The following PLPPR3 variants were observed in gnomAD, a reference collection of about 807,000 sequenced individuals.
PLPPR3 encodes the protein phospholipid phosphatase related 3, also known as phospholipid phosphatase-related protein type 3.
PLPPR3 carries 14 observed loss-of-function variants against 27.3 expected under a neutral mutation model. The observed-to-expected ratio is 0.51, with a 90% CI of 0.34 to 0.80. The LOEUF (loss-of-function observed/expected upper bound fraction) is 0.80. Ranked by LOEUF, PLPPR3 falls within the 30% of genes least tolerant of loss-of-function variation. The pLI is 0.01. For missense variants in PLPPR3, 1,287 were observed against 1,056.9 expected (o/e 1.22, Z -3.02); for synonymous variants, 671 against 508.0 (o/e 1.32, Z -4.32).
intron 2 of PLPPR3, 115 bp from the exon 3 acceptor site, chr19:815,966 C>T: frequency 1.0e-6 from 1 of 984,064 alleles, no homozygotes; most frequent in Non-Finnish European, 1.5e-6. Context: ...CAGATCCAAC[C>T]CGCTCCCAGC....
chr19:812,671 G>A lies in PLPPR3; in HGVS notation c.2056C>T (p.Leu686=), dbSNP rs1443522912. Residue 686 remains leucine, a synonymous_variant, in exon 8 of 8, where the codon CTG becomes TTG. Coordinates refer to ENST00000520876, the MANE Select transcript of PLPPR3 (RefSeq NM_001270366.2). Reference sequence around the variant, plus strand: ...CCCAGGCCGCCCGCGTGGCGCCGCAGCGTGGACTCCCGGCTGCCCGGGCCC... The same window carrying A: ...CCCAGGCCGCCCGCGTGGCGCCGCAACGTGGACTCCCGGCTGCCCGGGCCC... ...ALGPGSREST[L]RRHAGGLGLA... is the part of the protein sequence containing the mutation. 10 of 1,054,292 alleles carry A rather than the reference G, an allele frequency of 9.5e-6. 1 individual carries two copies. Among genetic ancestry groups the A allele is most frequent in the Non-Finnish European group, 1.1e-5 (10 of 873,524 alleles). The allele number at this position is 1,054,292 out of a possible 1,614,324, so 65.3% of individuals were successfully genotyped here. A position where few individuals can be genotyped will look rare whatever the true frequency, so the allele number is the denominator to read the frequency against.
chr19:813,918 G>T lies in PLPPR3; in HGVS notation c.832-23C>A. The T allele has an allele frequency of 2.1e-6, 3 of 1,421,808 alleles. No homozygotes were observed. Among genetic ancestry groups the T allele is most frequent in the South Asian group, 3.0e-5 (2 of 66,342 alleles). The allele number at this position is 1,421,808 out of a possible 1,614,324, so 88.1% of individuals were successfully genotyped here. A position where few individuals can be genotyped will look rare whatever the true frequency, so the allele number is the denominator to read the frequency against. On this transcript the variant is annotated intron_variant, in intron 7 of 7. Transcript: ENST00000520876. This position sits in a 1 kb window ranked among gnomAD's most constrained non-coding sequence, Gnocchi z 4.1. ...GGCCTGTCGGGGAGAGGGGTCTGGG[G>T]GTGAGGCCTGGGGCTCAGAGGGCTC...
rs2034980645 is a variant in PLPPR3, at chr19:813,395, T to C, written c.1332A>G (p.Glu444=). Reference sequence around the variant, plus strand: ...CCTCTTCCTCTTCGTCCTCCTCCTCTTCCTCCTCCTCCGCCATGGGTTCGG... The same window carrying C: ...CCTCTTCCTCTTCGTCCTCCTCCTCCTCCTCCTCCTCCGCCATGGGTTCGG... ...APAEPMAEEE[E]EEEDEEEEEE... The change falls in exon 8 of 8, where the codon GAA becomes GAG. Residue 444 remains glutamate, a synonymous_variant. Transcript: ENST00000520876. The surrounding 1 kb of genome is among the most constrained non-coding windows in gnomAD (Gnocchi z 4.1). 6.7e-7 allele frequency: 1 copy of C among 1,501,656 alleles called. No homozygotes were observed. Among genetic ancestry groups the C allele is most frequent in the Non-Finnish European group, 8.8e-7 (1 of 1,133,270 alleles). The allele number at this position is 1,501,656 out of a possible 1,614,324, so 93.0% of individuals were successfully genotyped here. A position where few individuals can be genotyped will look rare whatever the true frequency, so the allele number is the denominator to read the frequency against.
At position 821,482 on chromosome 19, in the gene PLPPR3, C is replaced by T. The variant is rs1356289394; in HGVS notation, c.75+3G>A. The T allele has an allele frequency of 9.3e-6, 14 of 1,513,178 alleles. No individual in the cohort carries two copies. The South Asian group carries it at 1.5e-4, about 16-fold the overall frequency. 93.7% of individuals were successfully genotyped at this position (1,513,178 alleles called of 1,614,324 possible). On this transcript the variant is annotated splice_donor_region_variant and intron_variant, in intron 2 of 7. Transcript: ENST00000520876. ...CCCGGGCCCCAGCGCGACCCCCACC[C>T]ACCTCCACGAAGTAGAAGCAGGGCA... is the stretch of plus-strand genomic sequence containing the variant.
Position 812,592 on chromosome 19 carries a change from T to C in PLPPR3, c.2135A>G (p.Gln712Arg). 2.8e-6 allele frequency: 3 copies of C among 1,069,500 alleles called. No homozygotes were observed. The highest frequency in any genetic ancestry group is 2.1e-5 in the South Asian group (1 of 46,736). The allele number at this position is 1,069,500 out of a possible 1,614,324, so 66.3% of individuals were successfully genotyped here. A position where few individuals can be genotyped will look rare whatever the true frequency, so the allele number is the denominator to read the frequency against. ...AEAEGYFRKMQARRFPD is the reference protein window; with the variant it reads ...AEAEGYFRKMRARRFPD ...GCGCTAGTCGGGGAAGCGGCGCGCC[T>C]GCATCTTGCGGAAGTAGCCCTCGGC... The change falls in exon 8 of 8, where the codon CAG becomes CGG. Residue 712 changes from glutamine to arginine, a missense_variant. Physicochemically the swap from Gln to Arg is conservative, Grantham distance 43. Coordinates refer to ENST00000520876, the MANE Select transcript of PLPPR3 (RefSeq NM_001270366.2).
chr19:823,469 G>A (rs923907335), upstream of PLPPR3, among the ~76,000 whole-genome samples: 5 of 104,184 alleles, frequency 4.8e-5, no homozygotes, highest in Non-Finnish European at 8.1e-5. Context: ...CAAACAAACA[G>A]TGACTCCAGA....
Position 815,347 on chromosome 19 carries a change from G to A in PLPPR3, c.262-20C>T, listed in dbSNP as rs372810840. 31 of 1,526,590 alleles carry A rather than the reference G, an allele frequency of 2.0e-5. No homozygotes were observed. Among genetic ancestry groups the A allele is most frequent in the Middle Eastern group, 1.9e-4 (1 of 5,142 alleles). The allele number at this position is 1,526,590 out of a possible 1,614,324, so 94.6% of individuals were successfully genotyped here. On this transcript the variant is annotated intron_variant, in intron 3 of 7. Coordinates refer to ENST00000520876, the MANE Select transcript of PLPPR3 (RefSeq NM_001270366.2). ...CATGATCTGCCAACAGGGAGGGGGC[G>A]CTCAGGCCTCGGTGCCCACAGGGAG...
chr19:812,951 C>G lies in PLPPR3; in HGVS notation c.1776G>C (p.Val592=). 7.0e-7 allele frequency: 1 copy of G among 1,427,902 alleles called. No individual in the cohort carries two copies. The highest frequency in any genetic ancestry group is 9.1e-7 in the Non-Finnish European group (1 of 1,094,848). 88.5% of individuals were successfully genotyped at this position (1,427,902 alleles called of 1,614,324 possible). ...TIDAHAPHHP[V]VHLSAGGAPW... ...GCGCGCCGCCGGCCGACAGGTGCAC[C>G]ACGGGGTGGTGCGGCGCGTGCGCGT... Residue 592 remains valine, a synonymous_variant, in exon 8 of 8, where the codon GTG becomes GTC. Coordinates refer to ENST00000520876, the MANE Select transcript of PLPPR3 (RefSeq NM_001270366.2).
chr19:818,409 A>G (rs889858894), intron 2 of PLPPR3, among the ~76,000 whole-genome samples: 16 of 151,752 alleles, frequency 1.1e-4, no homozygotes, highest in African/African-American at 3.9e-4. Flanking sequence ...AAATAAAATA[A>G]TAATAATAAG....
intron 2 of PLPPR3, among the ~76,000 whole-genome samples, chr19:816,142 A>C (rs924258988): frequency 2.6e-5 from 4 of 151,214 alleles, no homozygotes; most frequent in Non-Finnish European, 5.9e-5. Context: ...TCCACTGGGA[A>C]CCATCCATCC....
In PLPPR3 at chr19:813,114, T is replaced by G. The variant is rs765124216; in HGVS notation, c.1613A>C (p.Gln538Pro). 2 of 1,503,088 alleles carry G rather than the reference T, an allele frequency of 1.3e-6. No individual in the cohort carries two copies. Among genetic ancestry groups the G allele is most frequent in the Admixed American group, 4.5e-5 (2 of 44,556 alleles). 93.1% of individuals were successfully genotyped at this position (1,503,088 alleles called of 1,614,324 possible). A position where few individuals can be genotyped will look rare whatever the true frequency, so the allele number is the denominator to read the frequency against. The part of the protein sequence containing the change: ...AAVANPPRLL[Q>P]VIAMSKAPGA... The stretch of plus-strand genomic sequence containing the variant: ...CGGAGCCTTGGACATGGCGATGACC[T>G]GCAGCAGCCGCGGAGGGTTGGCCAC... Residue 538 changes from glutamine (Q) to proline (P), a missense_variant, in exon 8 of 8, where the codon CAG becomes CCG. Physicochemically the swap from Gln to Pro is moderately conservative, Grantham distance 76. Transcript: ENST00000520876. This position sits in a 1 kb window ranked among gnomAD's most constrained non-coding sequence, Gnocchi z 4.1.
chr19:814,679 G>C lies in PLPPR3; in HGVS notation c.657+13C>G. ...AAGAGGGCCTGGGAAGGGCAGTGAG[G>C]GGCCGGACTCACCGACACATAGACC... On this transcript the variant is annotated intron_variant, in intron 6 of 7. Transcript: ENST00000520876. 6.2e-7 allele frequency: 1 copy of C among 1,605,850 alleles called. No individual in the cohort carries two copies. Among genetic ancestry groups the C allele is most frequent in the Non-Finnish European group, 8.5e-7 (1 of 1,179,038 alleles).
rs1433577157 is a variant in PLPPR3, at chr19:812,644, GC to G, written c.2082del (p.Leu695TrpfsTer47). 5 of 1,078,876 alleles carry G rather than the reference GC, an allele frequency of 4.6e-6. No homozygotes were observed. The highest frequency in any genetic ancestry group is 5.1e-5 in the South Asian group (2 of 39,160). 66.8% of individuals were successfully genotyped at this position (1,078,876 alleles called of 1,614,324 possible). A position where few individuals can be genotyped will look rare whatever the true frequency, so the allele number is the denominator to read the frequency against. The part of the protein sequence containing the change: ...STLRRHAGGL[G>X]LAEREAEAEA... ...TCCGCCTCCGCCTCGCGCTCCGCCA[GC>G]CCCAGGCCGCCCGCGTGGCGCCGCA... is the stretch of plus-strand genomic sequence containing the variant. On this transcript the variant is annotated frameshift_variant, in exon 8 of 8. Coordinates refer to ENST00000520876, the MANE Select transcript of PLPPR3 (RefSeq NM_001270366.2). LOFTEE classifies it low-confidence loss of function (END_TRUNC).
In PLPPR3 at chr19:815,035, C is replaced by A. The variant is rs752718633; in HGVS notation, c.450G>T (p.Val150=). 6.2e-7 allele frequency: 1 copy of A among 1,609,588 alleles called. No individual in the cohort carries two copies. The highest frequency in any genetic ancestry group is 2.2e-5 in the East Asian group (1 of 44,870). ...GLCATALVTD[V]IQLATGYHTP... ...TGTGGTAACCCGTGGCCAGCTGGAT[C>A]ACGTCCGTCACCAGGGCTGTGGCAC... is the stretch of plus-strand genomic sequence containing the variant. Residue 150 remains valine (V), a synonymous_variant, in exon 5 of 8, where the codon GTG becomes GTT. Coordinates refer to ENST00000520876, the MANE Select transcript of PLPPR3 (RefSeq NM_001270366.2).
Position 812,537 on chromosome 19 carries a change from G to GGC in PLPPR3, c.*32_*33insGC. 1.8e-5 allele frequency: 17 copies of GGC among 965,764 alleles called. No individual in the cohort carries two copies. Among genetic ancestry groups the GGC allele is most frequent in the South Asian group, 9.1e-5 (2 of 21,870 alleles). The allele number at this position is 965,764 out of a possible 1,614,324, so 59.8% of individuals were successfully genotyped here. On this transcript the variant is annotated 3_prime_UTR_variant, in exon 8 of 8. Transcript: ENST00000520876. ...ATCCGCGCGGCCGCCCGCGCCCTCG[G>GGC]CCCGCCCCCCGCCCGCCCCCGGCCC...
intron 2 of PLPPR3, among the ~76,000 whole-genome samples, chr19:817,722 G>C (rs974048206): frequency 1.3e-5 from 2 of 152,182 alleles, no homozygotes; most frequent in African/African-American, 4.8e-5. Flanking sequence ...TTGGATCGAG[G>C]GAGCTGAGTT....
rs2034943590 is a variant in PLPPR3 at position 812,591 on chromosome 19, C to G, written c.2136G>C (p.Gln712His). Reference sequence around the variant, plus strand: ...CGCGCTAGTCGGGGAAGCGGCGCGCCTGCATCTTGCGGAAGTAGCCCTCGG... The same window carrying G: ...CGCGCTAGTCGGGGAAGCGGCGCGCGTGCATCTTGCGGAAGTAGCCCTCGG... The part of the protein sequence containing the change: ...AEAEGYFRKM[Q>H]ARRFPD Residue 712 changes from glutamine (Q) to histidine (H), a missense_variant, in exon 8 of 8, where the codon CAG (glutamine) becomes CAC (histidine). Gln to His is a conservative substitution (Grantham distance 24, BLOSUM62 0). Transcript: ENST00000520876. The G allele has an allele frequency of 1.8e-6, 2 of 1,107,648 alleles. No individual in the cohort carries two copies. Among genetic ancestry groups the G allele is most frequent in the African/African-American group, 3.5e-5 (2 of 57,946 alleles). 68.6% of individuals were successfully genotyped at this position (1,107,648 alleles called of 1,614,324 possible).
At chr19:821,139 G>A (rs2035137339) in intron 2 of PLPPR3, among the ~76,000 whole-genome samples, 1 of 151,952 alleles carries the variant, frequency 6.6e-6, no homozygotes, top group East Asian at 1.9e-4. Flanking sequence ...GAGCCCACGC[G>A]GCACCTGCAC....
intron 7 of PLPPR3, 152 bp downstream of exon 7, chr19:814,282 G>A (rs1195244237): frequency 5.3e-6 from 3 of 570,426 alleles, no homozygotes; most frequent in South Asian, 4.7e-5. Context: ...TCACCCCTCA[G>A]GCTACCAGCC....
Sources: gnomAD v4.1 joint callset for allele counts (sites outside exome capture counted in the v4.1 genomes callset) on GRCh38, gnomAD v4.1.1 for gene constraint, Gnocchi (gnomAD v3.1) non-coding constraint, MANE v1.5 for transcripts, NCBI Gene and HGNC (gene_info 2026-07-23, HGNC 2026-07-21) for gene names.